The following TNIK variants were observed in gnomAD, a reference collection of about 807,000 sequenced individuals.
The protein encoded by TNIK is TRAF2 and NCK-interacting protein kinase.
In TNIK, 49 loss-of-function variants were observed where a neutral mutation model predicts 191.3. The observed-to-expected ratio is 0.26, with a 90% CI of 0.20 to 0.32. The LOEUF is 0.32. TNIK is among the 10% of genes least tolerant of loss of function. The probability of loss-of-function intolerance (pLI) is 1.00; values close to 1 mark genes in which losing one functional copy is unlikely to be tolerated. For missense variants in TNIK, 1,155 were observed against 1,702.3 expected, an observed-to-expected ratio of 0.68 and a Z score of 5.66; for synonymous variants, 594 against 600.9, an observed-to-expected ratio of 0.99 and a Z score of 0.17.
chr3:171,139,553 A>G lies in TNIK; in HGVS notation c.1336T>C (p.Tyr446His), dbSNP rs763673459. The change falls in exon 14 of 33, where the codon TAC (tyrosine) becomes CAC (histidine). Residue 446 changes from tyrosine (Y) to histidine (H), a missense_variant. Coordinates refer to ENST00000436636, the MANE Select transcript of TNIK (RefSeq NM_015028.4). ...ERRRAEHEQE[Y>H]IRRQLEEEQR... is the part of the protein sequence containing the mutation. ...TCCTCCTCTAACTGTCGCCTGATGT[A>G]TTCCTGGAGAGGTAGGCAGCAGAGA... 3.7e-6 allele frequency: 6 copies of G among 1,613,794 alleles called. No individual in the cohort carries two copies. The highest frequency in any genetic ancestry group is 5.1e-6 in the Non-Finnish European group (6 of 1,179,742).
At chr3:171,170,894 T>C (rs185372373) in intron 9 of TNIK, among the ~76,000 whole-genome samples, 1 of 152,048 alleles carries the variant, frequency 6.6e-6, no homozygotes, top group East Asian at 1.9e-4. Context: ...TTATAAACAA[T>C]AGAAAAAAGT....
intron 1 of TNIK, among the ~76,000 whole-genome samples, chr3:171,425,488 T>C (rs547442436): frequency 1.3e-5 from 2 of 152,246 alleles, no homozygotes; most frequent in Non-Finnish European, 2.9e-5. Flanking sequence ...TCCTCCACAT[T>C]TTAAAAATAT....
intron 1 of TNIK, among the ~76,000 whole-genome samples, chr3:171,430,272 A>G (rs1725202621): frequency 6.6e-6 from 1 of 152,164 alleles, no homozygotes; most frequent in Admixed American, 6.5e-5. Flanking sequence ...CTCTACACCT[A>G]ATTTTAAAAA....
chr3:171,138,382 G>A lies in TNIK; in HGVS notation c.1420-3C>T. 1 of 1,567,904 alleles carries A rather than the reference G, an allele frequency of 6.4e-7. No homozygotes were observed. Among genetic ancestry groups the A allele is most frequent in the Non-Finnish European group, 8.6e-7 (1 of 1,159,602 alleles). The stretch of plus-strand genomic sequence containing the variant: ...TCCAATTGTTTGCGCTTATATTCCT[G>A]TCCAGATCAGGAAAGAGGAGCAAAG... On this transcript the variant is annotated splice_region_variant and splice_polypyrimidine_tract_variant and intron_variant, in intron 14 of 32. Transcript: ENST00000436636.
intron 2 of TNIK, among the ~76,000 whole-genome samples, chr3:171,352,096 C>A (rs1713299468): frequency 6.6e-6 from 1 of 152,188 alleles, no homozygotes; most frequent in Non-Finnish European, 1.5e-5. Context: ...TTCTGCATTT[C>A]CAACAATCTC....
chr3:171,424,608 A>T (rs113848632), intron 1 of TNIK, among the ~76,000 whole-genome samples: 6,081 of 152,228 alleles, frequency 0.04, 414 homozygotes, highest in African/African-American at 0.14. Flanking sequence ...GATAGACTGG[A>T]TTGAGAAAAT....
At chr3:171,196,566 T>G (rs1472527765) in intron 4 of TNIK, among the ~76,000 whole-genome samples, 3 of 152,122 alleles carry the variant, frequency 2.0e-5, no homozygotes, top group Non-Finnish European at 2.9e-5. Flanking sequence ...AAAGAGTTTT[T>G]TCAACACATA....
intron 2 of TNIK, among the ~76,000 whole-genome samples, chr3:171,288,225 G>A (rs868444449): frequency 1.8e-4 from 26 of 147,690 alleles, no homozygotes; most frequent in African/African-American, 5.8e-4. Flanking sequence ...GCTAGATGAC[G>A]AGTTAGTGGG....
At chr3:171,259,508 G>T (rs1324069967) in intron 2 of TNIK, among the ~76,000 whole-genome samples, 2 of 152,150 alleles carry the variant, frequency 1.3e-5, no homozygotes, top group Non-Finnish European at 2.9e-5. Flanking sequence ...AACAAAGAAG[G>T]TGGAAAGGAT....
chr3:171,267,289 C>T (rs1748514386), intron 2 of TNIK, among the ~76,000 whole-genome samples: 1 of 152,190 alleles, frequency 6.6e-6, no homozygotes, highest in Non-Finnish European at 1.5e-5. Flanking sequence ...AAGGGCTGCT[C>T]TCTTTACCTG....
chr3:171,128,236 C>T (rs781026717), intron 16 of TNIK, among the ~76,000 whole-genome samples: 1 of 152,162 alleles, frequency 6.6e-6, no homozygotes, highest in Admixed American at 6.5e-5. Context: ...ATGGTTGATG[C>T]TGCTGGTCCA....
chr3:171,102,812 G>GT (rs1723810540), intron 21 of TNIK, among the ~76,000 whole-genome samples: 1 of 152,152 alleles, frequency 6.6e-6, no homozygotes, highest in Non-Finnish European at 1.5e-5. Flanking sequence ...AGCAACCTGG[G>GT]TGATGACATT....
intron 5 of TNIK, among the ~76,000 whole-genome samples, chr3:171,191,120 G>T (rs113044835): frequency 6.6e-6 from 1 of 151,834 alleles, no homozygotes; most frequent in South Asian, 2.1e-4. Context: ...TGTGAAAAGC[G>T]AAGTTTAAAC....
chr3:171,189,272 T>G (rs1433247333), intron 6 of TNIK, among the ~76,000 whole-genome samples: 1 of 152,228 alleles, frequency 6.6e-6, no homozygotes, highest in Non-Finnish European at 1.5e-5. Context: ...TTCTCAAGGT[T>G]GAATAATATT....
At chr3:171,109,700 G>A (rs1486530059) in intron 19 of TNIK, among the ~76,000 whole-genome samples, 1 of 152,154 alleles carries the variant, frequency 6.6e-6, no homozygotes, top group Non-Finnish European at 1.5e-5. Context: ...TCATCACTTA[G>A]AAGCAAAATT....
chr3:171,331,032 T>C (rs1272516532), intron 2 of TNIK, among the ~76,000 whole-genome samples: 1 of 152,192 alleles, frequency 6.6e-6, no homozygotes, highest in East Asian at 1.9e-4. Flanking sequence ...AATTTTCAAA[T>C]TGAACAATCT....
At chr3:171,146,693 C>G (rs1329682776) in intron 12 of TNIK, among the ~76,000 whole-genome samples, 2 of 152,038 alleles carry the variant, frequency 1.3e-5, no homozygotes. Context: ...AGTTTGACAC[C>G]AGCCTGGCCA....
intron 2 of TNIK, among the ~76,000 whole-genome samples, chr3:171,367,477 G>A (rs1049568573): frequency 2.1e-5 from 3 of 143,324 alleles, no homozygotes; most frequent in Non-Finnish European, 3.1e-5. Context: ...TTTTTTTGGG[G>A]GGGGGGGGAG....
chr3:171,068,964 C>T lies in TNIK; in HGVS notation c.3583G>A (p.Val1195Ile). The change falls in exon 30 of 33, where the codon GTT (valine) becomes ATT (isoleucine). Residue 1195 changes from valine (V) to isoleucine (I), a missense_variant. Physicochemically the swap from Val to Ile is conservative, Grantham distance 29. Coordinates refer to ENST00000436636, the MANE Select transcript of TNIK (RefSeq NM_015028.4). ...FADLQHKPLL[V>I]DLTVEEGQRL... ...TGACCTTCTTCTACCGTGAGATCAA[C>T]TAGCAGAGGCTTGTGCTGGAGATCT... The T allele has an allele frequency of 6.2e-7, 1 of 1,613,564 alleles. No individual in the cohort carries two copies. The highest frequency in any genetic ancestry group is 8.5e-7 in the Non-Finnish European group (1 of 1,179,680).
Sources: gnomAD v4.1 joint callset for allele counts (sites outside exome capture counted in the v4.1 genomes callset) on GRCh38, gnomAD v4.1.1 for gene constraint, MANE v1.5 for transcripts, NCBI Gene and HGNC (gene_info 2026-07-23, HGNC 2026-07-21) for gene names.